The following DAB1 variants were observed in gnomAD, a reference collection of about 807,000 sequenced individuals.
The protein encoded by DAB1 is disabled homolog 1.
DAB1 carries 15 observed loss-of-function variants against 64.6 expected under a neutral mutation model. The observed-to-expected ratio is 0.23, with a 90% CI of 0.16 to 0.36. The LOEUF (loss-of-function observed/expected upper bound fraction) is 0.36. Ranked by LOEUF, DAB1 falls within the 10% of genes least tolerant of loss-of-function variation. DAB1 has a pLI of 1.00. For synonymous variants in DAB1, 235 were observed against 251.9 expected (o/e 0.93, Z 0.64); for missense variants, 596 against 706.7 (o/e 0.84, Z 1.78).
At chr1:57,392,986 A>G (rs969884899) in intron 1 of DAB1, among the ~76,000 whole-genome samples, 16 of 152,250 alleles carry the variant, frequency 1.1e-4, no homozygotes, top group Non-Finnish European at 2.1e-4. Flanking sequence ...CCGGCTCCAC[A>G]TTCAGGATGT....
intron 1 of DAB1, among the ~76,000 whole-genome samples, chr1:57,371,620 C>T (rs1273359242): frequency 6.6e-6 from 1 of 152,190 alleles, no homozygotes; most frequent in African/African-American, 2.4e-5. Context: ...GGAAACAAAA[C>T]TCACAGCCCT....
At chr1:57,043,120 C>G (rs1648007111) in intron 9 of DAB1, among the ~76,000 whole-genome samples, 1 of 152,222 alleles carries the variant, frequency 6.6e-6, no homozygotes, top group Non-Finnish European at 1.5e-5. Flanking sequence ...TGAGACCCAT[C>G]AGTGGTTCTA....
At chr1:58,189,222 A>T (rs1186362887) in intron 4 of DAB1, among the ~76,000 whole-genome samples, 3 of 152,240 alleles carry the variant, frequency 2.0e-5, no homozygotes, top group African/African-American at 7.2e-5. Flanking sequence ...TGTGAATGTT[A>T]CTGAAAGCAG....
At chr1:57,011,309 G>T (rs371169348) in intron 12 of DAB1, 37 bp from the exon 13 acceptor site, 100 of 1,603,128 alleles carry the variant, frequency 6.2e-5, no homozygotes, top group Non-Finnish European at 8.2e-5. Flanking sequence ...CATCTTAAGT[G>T]CCTGGCTGCC....
At chr1:58,447,168 C>G (rs1275827256) in intron 3 of DAB1, among the ~76,000 whole-genome samples, 2 of 152,128 alleles carry the variant, frequency 1.3e-5, no homozygotes, top group African/African-American at 4.8e-5. Flanking sequence ...TCACCTAGAG[C>G]CTGTAGAGGA....
At chr1:57,148,615 C>G (rs1557811717) in intron 2 of DAB1, among the ~76,000 whole-genome samples, 1 of 152,232 alleles carries the variant, frequency 6.6e-6, no homozygotes, top group Admixed American at 6.5e-5. Flanking sequence ...CACTGACCCT[C>G]TGCTTCAAGA....
At chr1:57,255,537 A>G (rs989904842) in intron 2 of DAB1, among the ~76,000 whole-genome samples, 3 of 152,034 alleles carry the variant, frequency 2.0e-5, no homozygotes, top group African/African-American at 7.2e-5. Flanking sequence ...ATGCATGGCT[A>G]TAATTCCAGC....
At chr1:57,493,529 C>T (rs1474078201) in intron 7 of DAB1, among the ~76,000 whole-genome samples, 1 of 152,110 alleles carries the variant, frequency 6.6e-6, no homozygotes, top group African/African-American at 2.4e-5. Context: ...TGTTAATCCG[C>T]TGATCCATAG....
chr1:58,518,625 T>C (rs577900568), intron 2 of DAB1, among the ~76,000 whole-genome samples: 1 of 151,636 alleles, frequency 6.6e-6, no homozygotes, highest in East Asian at 2.0e-4. Context: ...AGAACGAATA[T>C]CTTTATCTAT....
At chr1:58,321,573 C>A (rs139734061) in intron 4 of DAB1, among the ~76,000 whole-genome samples, 2,674 of 152,354 alleles carry the variant, frequency 0.018, 78 homozygotes, top group African/African-American at 0.056. Context: ...CTGTGCTTTT[C>A]CAACAGTCTT....
intron 1 of DAB1, among the ~76,000 whole-genome samples, chr1:57,390,489 A>C (rs923678043): frequency 6.6e-6 from 1 of 152,200 alleles, no homozygotes; most frequent in African/African-American, 2.4e-5. Context: ...AATCACCTGG[A>C]GCTCCTTAAT....
At chr1:58,478,051 C>G (rs1185463479) in intron 3 of DAB1, among the ~76,000 whole-genome samples, 1 of 152,156 alleles carries the variant, frequency 6.6e-6, no homozygotes, top group Non-Finnish European at 1.5e-5. Flanking sequence ...TGGTTTGACT[C>G]TGTGTCCCCA....
At chr1:57,343,007 T>A (rs573640255) in intron 1 of DAB1, among the ~76,000 whole-genome samples, 74 of 38,164 alleles carry the variant, frequency 1.9e-3, no homozygotes, top group African/African-American at 7.9e-3. Flanking sequence ...TTGCCACTGC[T>A]GGCTCGGGCA....
At chr1:57,774,219 A>C (rs1450701291) in intron 6 of DAB1, among the ~76,000 whole-genome samples, 2 of 151,854 alleles carry the variant, frequency 1.3e-5, no homozygotes, top group Non-Finnish European at 2.9e-5. Flanking sequence ...TTTTGTATTA[A>C]ATTTATTTCT....
chr1:57,814,437 G>GA (rs1020253962), intron 6 of DAB1, among the ~76,000 whole-genome samples: 105 of 152,228 alleles, frequency 6.9e-4, no homozygotes, highest in African/African-American at 2.5e-3. Flanking sequence ...GAAATTTCTA[G>GA]AAAAATATAT....
chr1:58,537,086 G>GTATA (rs71779509), intron 1 of DAB1, among the ~76,000 whole-genome samples: 1 of 128,498 alleles, frequency 7.8e-6, no homozygotes, highest in Non-Finnish European at 1.7e-5. Flanking sequence ...CTCTCTCTCT[G>GTATA]TATATATATA....
chr1:57,956,507 G>T (rs1462662756), intron 5 of DAB1, among the ~76,000 whole-genome samples: 3 of 152,174 alleles, frequency 2.0e-5, no homozygotes, highest in African/African-American at 4.8e-5. Context: ...GGTACAGAAG[G>T]CCACTTATGT....
chr1:58,434,983 A>G (rs550401168), intron 3 of DAB1, among the ~76,000 whole-genome samples: 10 of 152,290 alleles, frequency 6.6e-5, no homozygotes, highest in South Asian at 2.1e-4. Flanking sequence ...TTGTTCCCTG[A>G]GCACTCCTAT....
chr1:57,203,789 C>A (rs1224423497), intron 2 of DAB1, among the ~76,000 whole-genome samples: 1 of 152,186 alleles, frequency 6.6e-6, no homozygotes, highest in Non-Finnish European at 1.5e-5. Context: ...GCTTGAAGGA[C>A]ATTATGCAAA....
Sources: gnomAD v4.1 joint callset for allele counts (sites outside exome capture counted in the v4.1 genomes callset) on GRCh38, gnomAD v4.1.1 for gene constraint, MANE v1.5 for transcripts, NCBI Gene and HGNC (gene_info 2026-07-23, HGNC 2026-07-21) for gene names.